The following QSER1 variants were observed in gnomAD, a reference collection of about 807,000 sequenced individuals.
The protein encoded by QSER1 is glutamine and serine-rich protein 1.
In QSER1, 49 loss-of-function variants were observed where a neutral mutation model predicts 158.5. That is an observed-to-expected ratio of 0.31 (90% CI 0.25 to 0.39). The LOEUF is 0.39. QSER1 is among the 10% of genes least tolerant of loss of function. The pLI is 1.00. For missense variants in QSER1, 1,754 were observed against 2,010.3 expected, an observed-to-expected ratio of 0.87 and a Z score of 2.44; for synonymous variants, 650 against 715.5, an observed-to-expected ratio of 0.91 and a Z score of 1.46.
intron 1 of QSER1, among the ~76,000 whole-genome samples, chr11:32,926,390 T>A (rs1376614344): frequency 6.6e-6 from 1 of 152,196 alleles, no homozygotes; most frequent in East Asian, 1.9e-4. Context: ...CTTATTCCTA[T>A]GAGATGCAAC....
chr11:32,928,562 G>A (rs963801210), intron 3 of QSER1, among the ~76,000 whole-genome samples: 17 of 152,148 alleles, frequency 1.1e-4, no homozygotes, highest in Admixed American at 7.9e-4. Context: ...GACATTACAA[G>A]TTGATATTAT....
At chr11:32,926,970 T>C (rs1044048643) in intron 1 of QSER1, 187 bp from the exon 2 acceptor site, 1 of 152,356 alleles carries the variant, frequency 6.6e-6, no homozygotes, top group African/African-American at 2.4e-5. Flanking sequence ...TTATTTTTCT[T>C]ACTAATGCAT....
At chr11:32,917,237 C>T (rs1209378428) in intron 1 of QSER1, among the ~76,000 whole-genome samples, 1 of 152,176 alleles carries the variant, frequency 6.6e-6, no homozygotes, top group Admixed American at 6.5e-5. Flanking sequence ...GACTACATCA[C>T]GTTTTGTTTA....
At chr11:32,896,976 T>G (rs1306412462) in intron 1 of QSER1, among the ~76,000 whole-genome samples, 1 of 152,220 alleles carries the variant, frequency 6.6e-6, no homozygotes, top group Non-Finnish European at 1.5e-5. Flanking sequence ...TCAGACAAAC[T>G]TCCACTGTTA....
At chr11:32,895,147 C>T (rs1851538958) in intron 1 of QSER1, among the ~76,000 whole-genome samples, 1 of 152,226 alleles carries the variant, frequency 6.6e-6, no homozygotes, top group Admixed American at 6.5e-5. Flanking sequence ...AATGACTTCC[C>T]AAACACACTT....
intron 1 of QSER1, among the ~76,000 whole-genome samples, chr11:32,903,968 T>C (rs1465435861): frequency 6.6e-6 from 1 of 152,124 alleles, no homozygotes; most frequent in African/African-American, 2.4e-5. Context: ...GTAAAAAACT[T>C]ATCTGTTCCT....
chr11:32,931,535 G>A (rs761141911), intron 3 of QSER1, among the ~76,000 whole-genome samples: 12 of 151,300 alleles, frequency 7.9e-5, no homozygotes, highest in Non-Finnish European at 1.6e-4. Flanking sequence ...AACAGAGTAA[G>A]ACCCTGTCTC....
chr11:32,906,834 G>T (rs1297256221), intron 1 of QSER1, among the ~76,000 whole-genome samples: 3 of 152,096 alleles, frequency 2.0e-5, no homozygotes. Context: ...CTTCTTTCAT[G>T]CATATCCCTA....
chr11:32,945,303 CGTTA>C (rs1034176003), intron 4 of QSER1, among the ~76,000 whole-genome samples: 1 of 151,152 alleles, frequency 6.6e-6, no homozygotes, highest in African/African-American at 2.4e-5. Flanking sequence ...TTATTTTGCT[CGTTA>C]GTTGATTCAG....
At chr11:32,974,737 G>C (rs1852941402) in intron 11 of QSER1, among the ~76,000 whole-genome samples, 1 of 152,172 alleles carries the variant, frequency 6.6e-6, no homozygotes, top group South Asian at 2.1e-4. Context: ...GGGAGGATGG[G>C]GAGGGACAGC....
chr11:32,954,102 A>T lies in QSER1; in HGVS notation c.4423A>T (p.Thr1475Ser), dbSNP rs779327011. 2 of 1,614,142 alleles carry T rather than the reference A, an allele frequency of 1.2e-6. No individual in the cohort carries two copies. Among genetic ancestry groups the T allele is most frequent in the Non-Finnish European group, 8.5e-7 (1 of 1,180,028 alleles). The change falls in exon 5 of 13, where the codon ACA (threonine) becomes TCA (serine). Residue 1475 changes from threonine to serine, a missense_variant. Thr to Ser is a moderately conservative substitution (Grantham distance 58). Around this residue, in one of 2 missense-constraint regions of QSER1, gnomAD observed 1,707 missense variants for 1,919.6 expected, o/e 0.89. Coordinates refer to ENST00000650167, the MANE Select transcript of QSER1 (RefSeq NM_001076786.3). ...AIEGFTDEED[T>S]ESGGEGQYRE... ...AGAAGGTTTTACAGATGAGGAGGAC[A>T]CAGAAAGCGGAGGAGAAGGCCAATA...
intron 4 of QSER1, among the ~76,000 whole-genome samples, chr11:32,941,680 C>G (rs1384426910): frequency 6.6e-6 from 1 of 152,040 alleles, no homozygotes; most frequent in Non-Finnish European, 1.5e-5. Context: ...TGAATAATGC[C>G]ACAATAAACA....
chr11:32,972,164 CTG>C (rs1797130028), intron 10 of QSER1, among the ~76,000 whole-genome samples: 2 of 151,810 alleles, frequency 1.3e-5, no homozygotes, highest in Admixed American at 6.6e-5. Flanking sequence ...AAGGTTGTAA[CTG>C]TTTATAAAAC....
At position 32,979,699 on chromosome 11, in the gene QSER1, G is replaced by A. The variant is rs954017237; in HGVS notation, c.*3225G>A. The A allele has an allele frequency of 2.6e-5, 4 of 152,158 alleles. No individual in the cohort carries two copies. Among genetic ancestry groups the A allele is most frequent in the Non-Finnish European group, 5.9e-5 (4 of 68,030 alleles). The allele number at this position is 152,158 out of a possible 1,614,324, so 9.4% of individuals were successfully genotyped here. ...CTCATGCATTAAGACTGTTTTCAAAGCTTTCCTCACATTTTTAAAGTGTGA... is the reference window on the plus strand; with the variant it reads ...CTCATGCATTAAGACTGTTTTCAAAACTTTCCTCACATTTTTAAAGTGTGA... On this transcript the variant is annotated 3_prime_UTR_variant, in exon 13 of 13. Transcript: ENST00000650167.
At chr11:32,919,132 G>T (rs2133522707) in intron 1 of QSER1, among the ~76,000 whole-genome samples, 1 of 152,168 alleles carries the variant, frequency 6.6e-6, no homozygotes, top group Non-Finnish European at 1.5e-5. Context: ...AGTTTTTCCA[G>T]CTTAGTTTGT....
chr11:32,964,729 T>TACACACACACACAC (rs1564946395), intron 8 of QSER1, among the ~76,000 whole-genome samples: 1 of 115,084 alleles, frequency 8.7e-6, no homozygotes, highest in Non-Finnish European at 1.8e-5. Context: ...TATATATATA[T>TACACACACACACAC]ATATATATAT....
Position 32,954,872 on chromosome 11 carries a change from C to T in QSER1, c.4501-424C>T, listed in dbSNP as rs138940339. ...GCCTTTTTAAAAAACATGGGAATGA[C>T]GTTAAAAAGTGCAGTGAAGAATCCA... On this transcript the variant is annotated intron_variant, in intron 5 of 12. Transcript: ENST00000650167. Among the ~76,000 whole-genome samples the T allele has an allele frequency of 5.0e-3, 766 of 152,214 alleles. 5 individuals carry two copies. Among genetic ancestry groups the T allele is most frequent in the African/African-American group, 0.018 (732 of 41,514 alleles).
At position 32,956,165 on chromosome 11, in the gene QSER1, G is replaced by A. The variant is rs769402860; in HGVS notation, c.4751+44G>A. Reference sequence around the variant, plus strand: ...GATATATTTGTGCATATATATAGGTGTATTATTGATGATACCAATGTACAA... The same window carrying A: ...GATATATTTGTGCATATATATAGGTATATTATTGATGATACCAATGTACAA... On this transcript the variant is annotated intron_variant, in intron 7 of 12. Coordinates refer to ENST00000650167, the MANE Select transcript of QSER1 (RefSeq NM_001076786.3). 1.3e-5 allele frequency: 19 copies of A among 1,501,816 alleles called. 1 individual carries two copies. Among genetic ancestry groups the A allele is most frequent in the East Asian group, 6.8e-5 (3 of 44,116 alleles). 93.0% of individuals were successfully genotyped at this position (1,501,816 alleles called of 1,614,324 possible). A position where few individuals can be genotyped will look rare whatever the true frequency, so the allele number is the denominator to read the frequency against.
chr11:32,962,160 G>A (rs917998062), intron 8 of QSER1, among the ~76,000 whole-genome samples: 7 of 152,120 alleles, frequency 4.6e-5, no homozygotes, highest in African/African-American at 1.7e-4. Context: ...TTTTCTGTTT[G>A]TGTGTGCGTC....
Sources: allele counts gnomAD v4.1 joint callset (sites outside exome capture counted in the v4.1 genomes callset), GRCh38; gene constraint gnomAD v4.1.1; regional missense constraint gnomAD v4.1.1; transcripts MANE v1.5; gene names NCBI Gene and HGNC (gene_info 2026-07-23, HGNC 2026-07-21).